The following PPP1R21 variants were observed in gnomAD, a reference collection of about 807,000 sequenced individuals.
The protein encoded by PPP1R21 is protein phosphatase 1 regulatory subunit 21.
PPP1R21 carries 85 observed loss-of-function variants against 112.8 expected under a neutral mutation model. That is an observed-to-expected ratio of 0.75 (90% CI 0.63 to 0.90). The LOEUF (loss-of-function observed/expected upper bound fraction) is 0.90. Among genes scored for constraint, PPP1R21 ranks in the 40% least tolerant of loss-of-function variants. PPP1R21 has a pLI of 0.00. For synonymous variants in PPP1R21, 381 were observed against 322.3 expected, an observed-to-expected ratio of 1.18 and a Z score of -1.95; for missense variants, 1,199 against 901.5, an observed-to-expected ratio of 1.33 and a Z score of -4.23.
chr2:48,457,793 A>G (rs1322150504), intron 3 of PPP1R21, among the ~76,000 whole-genome samples: 4 of 152,216 alleles, frequency 2.6e-5, no homozygotes, highest in Admixed American at 2.6e-4. Flanking sequence ...AATTGAAATG[A>G]TATTTATGAG....
chr2:48,474,726 A>C lies in PPP1R21; in HGVS notation c.1132A>C (p.Arg378=), dbSNP rs1417984573. 1 of 1,613,460 alleles carries C rather than the reference A, an allele frequency of 6.2e-7. No individual in the cohort carries two copies. Among genetic ancestry groups the C allele is most frequent in the Non-Finnish European group, 8.5e-7 (1 of 1,179,684 alleles). Residue 378 remains arginine (R), a synonymous_variant, in exon 12 of 22, where the codon AGA becomes CGA. Coordinates refer to ENST00000294952, the MANE Select transcript of PPP1R21 (RefSeq NM_001135629.3). ...CESSLCTSAL[R]ARNLELSQDM... is the part of the protein sequence containing the mutation. The stretch of plus-strand genomic sequence containing the variant: ...ATCCTCTCTTTGCACATCTGCGTTA[A>C]GAGCCAGGAATCTAGAGCTGTCCCA...
At chr2:48,484,581 A>G (rs544976213) in intron 13 of PPP1R21, among the ~76,000 whole-genome samples, 1 of 145,260 alleles carries the variant, frequency 6.9e-6, no homozygotes, top group African/African-American at 2.6e-5. Flanking sequence ...CAGTGGCATG[A>G]TCTTGGCTCA....
chr2:48,462,660 G>A (rs1668026749), intron 7 of PPP1R21, among the ~76,000 whole-genome samples: 1 of 152,204 alleles, frequency 6.6e-6, no homozygotes, highest in African/African-American at 2.4e-5. Context: ...GTTCTGAAAG[G>A]TATGGTGGGA....
intron 8 of PPP1R21, 86 bp downstream of exon 8, chr2:48,465,075 G>T (rs545410926): frequency 3.1e-5 from 31 of 1,005,882 alleles, no homozygotes; most frequent in Non-Finnish European, 4.5e-5. Flanking sequence ...TTGGACCTCT[G>T]TTTAGTGCAT....
chr2:48,457,880 A>G (rs1355444482), intron 3 of PPP1R21: 2 of 409,042 alleles, frequency 4.9e-6, no homozygotes, highest in African/African-American at 2.1e-5. Context: ...TCTGCAAAGA[A>G]TAGTAAGCCT....
At chr2:48,473,189 A>G (rs189859093) in intron 11 of PPP1R21, among the ~76,000 whole-genome samples, 1 of 152,068 alleles carries the variant, frequency 6.6e-6, no homozygotes, top group African/African-American at 2.4e-5. Flanking sequence ...TGATTTGTGC[A>G]TATGATAGGA....
chr2:48,479,959 A>G lies in PPP1R21; in HGVS notation c.1261A>G (p.Ser421Gly), dbSNP rs764691227. The G allele has an allele frequency of 7.4e-6, 12 of 1,613,178 alleles. No individual in the cohort carries two copies. Among genetic ancestry groups the G allele is most frequent in the Admixed American group, 3.3e-5 (2 of 60,014 alleles). The change falls in exon 13 of 22, where the codon AGT becomes GGT. Residue 421 changes from serine (S) to glycine (G), a missense_variant. Transcript: ENST00000294952. ...EPDGLLRTNY[S>G]SVLTNVGAAL... ...AGATGGACTCCTTCGGACAAACTAC[A>G]GTTCTGTGTTAACAAATGTTGGTGC...
At chr2:48,475,981 A>C (rs1668736015) in intron 12 of PPP1R21, among the ~76,000 whole-genome samples, 1 of 152,260 alleles carries the variant, frequency 6.6e-6, no homozygotes, top group South Asian at 2.1e-4. Context: ...ACAATGTATT[A>C]ATTAAAGTTT....
intron 12 of PPP1R21, among the ~76,000 whole-genome samples, chr2:48,476,124 C>T (rs1251495017): frequency 6.6e-6 from 1 of 152,144 alleles, no homozygotes; most frequent in Non-Finnish European, 1.5e-5. Context: ...TGTTCCACCC[C>T]TCCCTAGCCC....
At chr2:48,496,057 G>A (rs1669820636) in intron 16 of PPP1R21, among the ~76,000 whole-genome samples, 1 of 152,134 alleles carries the variant, frequency 6.6e-6, no homozygotes, top group Non-Finnish European at 1.5e-5. Context: ...AGATTTAAAT[G>A]TCTGAAATAC....
At chr2:48,497,781 A>C (rs900381515) in intron 16 of PPP1R21, among the ~76,000 whole-genome samples, 1 of 151,554 alleles carries the variant, frequency 6.6e-6, no homozygotes. Flanking sequence ...CCTCCCGAGT[A>C]GCTGGGACTA....
In PPP1R21 at chr2:48,465,211, C is replaced by G. The variant is rs550487622; in HGVS notation, c.747+222C>G. 7.2e-5 allele frequency among the ~76,000 whole-genome samples: 11 copies of G among 152,272 alleles called. No homozygotes were observed. The East Asian group carries it at 2.1e-3, about 29-fold the overall frequency. On this transcript the variant is annotated intron_variant, in intron 8 of 21. Transcript: ENST00000294952. The stretch of plus-strand genomic sequence containing the variant: ...TCTCCCTTGTCTGATAACATTAGAA[C>G]TAAATTATGAGATGCATTAATGTTT...
intron 1 of PPP1R21, among the ~76,000 whole-genome samples, chr2:48,447,807 G>A (rs188140924): frequency 1.4e-4 from 21 of 152,144 alleles, no homozygotes; most frequent in Middle Eastern, 3.4e-3. Flanking sequence ...AAAATTAGCC[G>A]GGCGTGGTGG....
At chr2:48,486,194 G>A (rs925360358) in intron 13 of PPP1R21, among the ~76,000 whole-genome samples, 1 of 152,052 alleles carries the variant, frequency 6.6e-6, no homozygotes, top group Non-Finnish European at 1.5e-5. Flanking sequence ...CTATAGCCCA[G>A]TAAGGACTGT....
chr2:48,513,721 A>G (rs1398326435), intron 21 of PPP1R21, among the ~76,000 whole-genome samples: 2 of 152,118 alleles, frequency 1.3e-5, no homozygotes, highest in South Asian at 2.1e-4. Context: ...ATCCTCAACC[A>G]TTTGTTTGCT....
In PPP1R21 at chr2:48,460,122, G is replaced by T. The variant is rs773936416; in HGVS notation, c.568G>T (p.Ala190Ser). ...GAAATCTCAGACTCTAGAAAAGGAA[G>T]CCAAGGAATGTCGACTTCGAACGGA... is the stretch of plus-strand genomic sequence containing the variant. ...EVKSQTLEKE[A>S]KECRLRTEEC... The change falls in exon 6 of 22, where the codon GCC becomes TCC. Residue 190 changes from alanine (A) to serine (S), a missense_variant. Physicochemically the swap from Ala to Ser is moderately conservative, Grantham distance 99. Transcript: ENST00000294952. The T allele has an allele frequency of 6.2e-7, 1 of 1,614,126 alleles. No homozygotes were observed. Among genetic ancestry groups the T allele is most frequent in the Non-Finnish European group, 8.5e-7 (1 of 1,180,020 alleles).
In PPP1R21 at chr2:48,515,317, C is replaced by G. The variant is rs1670828922; in HGVS notation, c.*573C>G. On this transcript the variant is annotated 3_prime_UTR_variant, in exon 22 of 22. Coordinates refer to ENST00000294952, the MANE Select transcript of PPP1R21 (RefSeq NM_001135629.3). ...GTGGGTTTAGTATCATTATCTTCAG[C>G]TCTTTGATACCCTGTGTTAGAGTAA... 6.6e-6 allele frequency: 1 copy of G among 151,454 alleles called. No homozygotes were observed. The highest frequency in any genetic ancestry group is 6.6e-5 in the Admixed American group (1 of 15,118). 9.4% of individuals were successfully genotyped at this position (151,454 alleles called of 1,614,324 possible).
chr2:48,502,790 C>G (rs1354591748), intron 17 of PPP1R21, among the ~76,000 whole-genome samples: 1 of 149,016 alleles, frequency 6.7e-6, no homozygotes, highest in Non-Finnish European at 1.5e-5. Flanking sequence ...ACGCCATTCT[C>G]CTGCCTCAGG....
intron 4 of PPP1R21, 32 bp from the exon 5 acceptor site, chr2:48,459,722 T>G (rs766419616): frequency 6.2e-7 from 1 of 1,602,024 alleles, no homozygotes; most frequent in South Asian, 1.1e-5. Context: ...ATTAGGATAT[T>G]GTGAGAAGAG....
Sources: gnomAD v4.1 joint callset for allele counts (sites outside exome capture counted in the v4.1 genomes callset) on GRCh38, gnomAD v4.1.1 for gene constraint, MANE v1.5 for transcripts, NCBI Gene and HGNC (gene_info 2026-07-23, HGNC 2026-07-21) for gene names.